Variants in GSAP observed in about 807,000 individuals in gnomAD.
GSAP encodes the protein gamma-secretase-activating protein.
Under a neutral mutation model 131.7 loss-of-function variants are expected in GSAP, and 118 were observed. That is an observed-to-expected ratio of 0.90 (90% CI 0.77 to 1.04). GSAP has a LOEUF of 1.04. Among genes scored for constraint, GSAP ranks in the 50% least tolerant of loss-of-function variants. The pLI, the probability that GSAP is intolerant of heterozygous loss-of-function variation, is 0.00. For synonymous variants in GSAP, 381 were observed against 363.4 expected, an observed-to-expected ratio of 1.05 and a Z score of -0.55; for missense variants, 1,019 against 1,013.2, an observed-to-expected ratio of 1.01 and a Z score of -0.08.
intron 12 of GSAP, among the ~76,000 whole-genome samples, chr7:77,370,551 C>A (rs138092790): frequency 3.9e-5 from 6 of 152,306 alleles, no homozygotes; most frequent in African/African-American, 1.4e-4. Context: ...ATCCCACCTT[C>A]TAAGCAAATT....
Position 77,312,165 on chromosome 7 carries a change from G to C in GSAP, c.2309C>G (p.Pro770Arg). The C allele has an allele frequency of 6.2e-7, 1 of 1,603,778 alleles. No individual in the cohort carries two copies. Among genetic ancestry groups the C allele is most frequent in the Admixed American group, 1.7e-5 (1 of 57,466 alleles). The change falls in exon 29 of 31, where the codon CCT becomes CGT. Residue 770 changes from proline (P) to arginine (R), a missense_variant. By Grantham distance (103) the Pro-to-Arg change is moderately radical (BLOSUM62 -2). Transcript: ENST00000257626. The part of the protein sequence containing the change: ...GQKICRLWDH[P>R]MSSNIISRNH... ...CCGCGAAATGATGTTAGAACTCATA[G>C]GATGATCCCAAAGTCTACAAATCTT...
chr7:77,412,543 G>T (rs73362781), intron 1 of GSAP, among the ~76,000 whole-genome samples: 2 of 151,706 alleles, frequency 1.3e-5, no homozygotes, highest in African/African-American at 2.4e-5. Context: ...TTTATCAAAG[G>T]CACCATCACA....
intron 19 of GSAP, among the ~76,000 whole-genome samples, chr7:77,341,728 ATAAAGCTCCAAAAAT>A (rs1252825267): frequency 6.6e-6 from 1 of 152,234 alleles, no homozygotes; most frequent in Non-Finnish European, 1.5e-5. Flanking sequence ...CCGACATTAA[ATAAAGCTCCAAAAAT>A]TAGATTCCGG....
intron 29 of GSAP, 40 bp downstream of exon 29, chr7:77,312,061 C>G: frequency 7.3e-7 from 1 of 1,365,252 alleles, no homozygotes; most frequent in Non-Finnish European, 1.0e-6. Flanking sequence ...AAACAGGATC[C>G]TAAAAACATT....
At chr7:77,395,392 G>A (rs112882951) in intron 5 of GSAP, among the ~76,000 whole-genome samples, 197 of 152,218 alleles carry the variant, frequency 1.3e-3, no homozygotes, top group African/African-American at 4.6e-3. Flanking sequence ...ATATCCTGGG[G>A]TTTTGCCCAT....
At chr7:77,394,107 G>A (rs1300603778) in intron 5 of GSAP, among the ~76,000 whole-genome samples, 2 of 152,186 alleles carry the variant, frequency 1.3e-5, no homozygotes, top group Non-Finnish European at 2.9e-5. Context: ...CATCTTCCAC[G>A]CAGCAGCTAC....
At chr7:77,394,950 A>G (rs1800118603) in intron 5 of GSAP, among the ~76,000 whole-genome samples, 1 of 152,264 alleles carries the variant, frequency 6.6e-6, no homozygotes, top group Admixed American at 6.5e-5. Context: ...GAGGTATCCA[A>G]CACAATAACC....
chr7:77,334,298 T>A (rs1357768704), intron 19 of GSAP, among the ~76,000 whole-genome samples: 2 of 152,058 alleles, frequency 1.3e-5, no homozygotes, highest in African/African-American at 4.8e-5. Context: ...CTGGGAGCCA[T>A]TATCCTCAGC....
At chr7:77,412,018 A>G (rs1288942517) in intron 1 of GSAP, among the ~76,000 whole-genome samples, 1 of 152,126 alleles carries the variant, frequency 6.6e-6, no homozygotes, top group African/African-American at 2.4e-5. Context: ...GTCTCTACTA[A>G]AAATATAAAA....
rs573732736 is a variant in GSAP, at chr7:77,341,470, C to T, written c.1545+7881G>A. ...GTTTCATTCCACGACTAGCCCTTCC[C>T]GACCTGCCCAACAATTTCCTCTTAA... On this transcript the variant is annotated intron_variant, in intron 19 of 30. Coordinates refer to ENST00000257626, the MANE Select transcript of GSAP (RefSeq NM_017439.4). 3.9e-5 allele frequency among the ~76,000 whole-genome samples: 6 copies of T among 152,316 alleles called. No individual in the cohort carries two copies. In the East Asian group the frequency reaches 5.8e-4, roughly 15 times the overall value.
intron 1 of GSAP, chr7:77,415,837 C>G (rs986066933): frequency 1.9e-5 from 4 of 206,348 alleles, no homozygotes; most frequent in Non-Finnish European, 3.9e-5. Flanking sequence ...AGCCCCTGCG[C>G]TGCCGATGAA....
At chr7:77,363,398 A>G (rs185860668) in intron 12 of GSAP, among the ~76,000 whole-genome samples, 1 of 152,230 alleles carries the variant, frequency 6.6e-6, no homozygotes, top group African/African-American at 2.4e-5. Context: ...ATGCTTAAAC[A>G]GGTATGTCTA....
Position 77,397,345 on chromosome 7 carries a change from C to T in GSAP, c.313+1G>A. On this transcript the variant is annotated splice_donor_variant, in intron 4 of 30. Coordinates refer to ENST00000257626, the MANE Select transcript of GSAP (RefSeq NM_017439.4). LOFTEE classifies it high-confidence loss of function. ...CATGTAGCAATAAGAGCTCAACTTA[C>T]CAAGCAAAGTCCTTTCACTGTTGAC... is the stretch of plus-strand genomic sequence containing the variant. 1 of 1,587,354 alleles carries T rather than the reference C, an allele frequency of 6.3e-7. No individual in the cohort carries two copies. The highest frequency in any genetic ancestry group is 8.6e-7 in the Non-Finnish European group (1 of 1,158,734).
rs553697812 is a variant in GSAP, at chr7:77,382,668, T to C, written c.457-25A>G. 2.7e-4 allele frequency: 341 copies of C among 1,273,948 alleles called. 4 individuals are homozygous for C. The South Asian group carries it at 3.7e-3, about 14-fold the overall frequency. 78.9% of individuals were successfully genotyped at this position (1,273,948 alleles called of 1,614,324 possible). ...ACTGTAAAAAAGAAATTAATCATAA[T>C]TGTAAGCAACTATCTTGCTTGAACA... On this transcript the variant is annotated intron_variant, in intron 6 of 30. Coordinates refer to ENST00000257626, the MANE Select transcript of GSAP (RefSeq NM_017439.4).
rs761632310 is a variant in GSAP, at chr7:77,381,363, G to GA, written c.527-10dup. The GA allele has an allele frequency of 2.8e-5, 40 of 1,413,994 alleles. No individual in the cohort carries two copies. Among genetic ancestry groups the GA allele is most frequent in the Non-Finnish European group, 3.9e-5 (40 of 1,023,844 alleles). The allele number at this position is 1,413,994 out of a possible 1,614,324, so 87.6% of individuals were successfully genotyped here. A position where few individuals can be genotyped will look rare whatever the true frequency, so the allele number is the denominator to read the frequency against. ...ACGAAATTGTTCAATATCTTTAAAA[G>GA]AAAAACAAAGAAAGATAATTTAACC... On this transcript the variant is annotated splice_polypyrimidine_tract_variant and intron_variant, in intron 7 of 30. Transcript: ENST00000257626.
At chr7:77,360,979 C>T in intron 13 of GSAP, 78 bp from the exon 14 acceptor site, 1 of 806,142 alleles carries the variant, frequency 1.2e-6, no homozygotes, top group Non-Finnish European at 2.2e-6. Context: ...CTATGTAACA[C>T]ACTATATTTT....
intron 19 of GSAP, among the ~76,000 whole-genome samples, chr7:77,333,177 A>G (rs1460567714): frequency 6.6e-6 from 1 of 152,210 alleles, no homozygotes; most frequent in African/African-American, 2.4e-5. Flanking sequence ...AAAAAAAGAA[A>G]TGCAGAGATT....
intron 1 of GSAP, among the ~76,000 whole-genome samples, chr7:77,413,842 G>C (rs886255546): frequency 5.4e-5 from 7 of 128,554 alleles, no homozygotes; most frequent in Admixed American, 2.6e-4. Flanking sequence ...GTGGATACAC[G>C]GTTTTACTTC....
At chr7:77,365,226 G>T (rs766046850) in intron 12 of GSAP, among the ~76,000 whole-genome samples, 4 of 152,082 alleles carry the variant, frequency 2.6e-5, no homozygotes, top group Non-Finnish European at 5.9e-5. Context: ...TGGGACTACA[G>T]GAATTTTTTT....
Sources: allele counts gnomAD v4.1 joint callset (sites outside exome capture counted in the v4.1 genomes callset), GRCh38; gene constraint gnomAD v4.1.1; transcripts MANE v1.5; gene names NCBI Gene and HGNC (gene_info 2026-07-23, HGNC 2026-07-21).